SRPK1: variants seen among roughly 807,000 people sequenced by gnomAD.
The protein encoded by SRPK1 is SFRS protein kinase 1.
SRPK1 carries 52 observed loss-of-function variants against 89.5 expected under a neutral mutation model. The observed-to-expected ratio is 0.58, with a 90% CI of 0.46 to 0.73. The LOEUF is 0.73. Among genes scored for constraint, SRPK1 ranks in the 30% least tolerant of loss-of-function variants. The pLI is 0.00. For synonymous variants in SRPK1, 255 were observed against 270.2 expected (o/e 0.94, Z 0.55); for missense variants, 603 against 780.6 (o/e 0.77, Z 2.71).
intron 6 of SRPK1, among the ~76,000 whole-genome samples, chr6:35,875,939 A>G (rs894444333): frequency 6.6e-6 from 1 of 152,174 alleles, no homozygotes; most frequent in African/African-American, 2.4e-5. Context: ...AATGCAATAT[A>G]CTAATATGCA....
chr6:35,834,766 A>G lies in SRPK1; in HGVS notation c.*538T>C, dbSNP rs1769139683. On this transcript the variant is annotated 3_prime_UTR_variant, in exon 16 of 16. Transcript: ENST00000373825. ...CATATAGCTATTTAAAAAAGACAGT[A>G]GCTTAAAAGTTGCAGGAAAAAATGT... 1 of 152,240 alleles carries G rather than the reference A, an allele frequency of 6.6e-6. No homozygotes were observed. 9.4% of individuals were successfully genotyped at this position (152,240 alleles called of 1,614,324 possible). A position where few individuals can be genotyped will look rare whatever the true frequency, so the allele number is the denominator to read the frequency against.
chr6:35,921,034 C>A lies in SRPK1; in HGVS notation c.13+10G>T. The A allele has an allele frequency of 6.5e-7, 1 of 1,545,122 alleles. No homozygotes were observed. Among genetic ancestry groups the A allele is most frequent in the East Asian group, 2.6e-5 (1 of 38,662 alleles). ...TTGCCCCTCGTGGCGGAGGCCGCTC[C>A]ACCGCTCACCTTTCCGCTCCATGGT... On this transcript the variant is annotated intron_variant, in intron 1 of 15. Coordinates refer to ENST00000373825, the MANE Select transcript of SRPK1 (RefSeq NM_003137.5).
At chr6:35,886,579 AT>A in intron 6 of SRPK1, 144 bp downstream of exon 6, 1 of 627,184 alleles carries the variant, frequency 1.6e-6, no homozygotes, top group Non-Finnish European at 2.8e-6. Context: ...CAAAATTCAG[AT>A]GTGTGTTCAG....
chr6:35,920,099 G>A (rs1266848656), intron 2 of SRPK1: 1 of 468,228 alleles, frequency 2.1e-6, no homozygotes, highest in Non-Finnish European at 4.3e-6. Context: ...AGACGTTGGG[G>A]AGCAGGTAAG....
rs1769131035 is a variant in SRPK1 at position 35,834,392 on chromosome 6, T to C, written c.*912A>G. 1 of 152,212 alleles carries C rather than the reference T, an allele frequency of 6.6e-6. No homozygotes were observed. The highest frequency in any genetic ancestry group is 2.1e-4 in the South Asian group (1 of 4,836). The allele number at this position is 152,212 out of a possible 1,614,324, so 9.4% of individuals were successfully genotyped here. ...ATCAGAATCTCAAGATCTATTTTTC[T>C]TAAATGGGAAAGCTCTGAAACCCAG... is the stretch of plus-strand genomic sequence containing the variant. On this transcript the variant is annotated 3_prime_UTR_variant, in exon 16 of 16. Transcript: ENST00000373825.
chr6:35,892,689 C>CAA (rs75021775), intron 2 of SRPK1, among the ~76,000 whole-genome samples: 1 of 134,874 alleles, frequency 7.4e-6, no homozygotes, highest in East Asian at 2.0e-4. Context: ...ACAACAACAA[C>CAA]GACAACAACA....
intron 13 of SRPK1, among the ~76,000 whole-genome samples, chr6:35,844,871 AAAAAAAC>A (rs1467839737): frequency 2.0e-5 from 3 of 152,108 alleles, no homozygotes; most frequent in Non-Finnish European, 4.4e-5. Flanking sequence ...ATTAAAGTTA[AAAAAAAC>A]AAAAAACAAA....
rs1483481778 is a variant in SRPK1, at chr6:35,835,214, A to G, written c.*90T>C. On this transcript the variant is annotated 3_prime_UTR_variant, in exon 16 of 16. Coordinates refer to ENST00000373825, the MANE Select transcript of SRPK1 (RefSeq NM_003137.5). Reference sequence around the variant, plus strand: ...AAGATCTAGAAACTCTTGAAGGAAGAGCTTCACCCTGAAAAGGGAAGAGGA... The same window carrying G: ...AAGATCTAGAAACTCTTGAAGGAAGGGCTTCACCCTGAAAAGGGAAGAGGA... 4.4e-6 allele frequency: 5 copies of G among 1,135,632 alleles called. No homozygotes were observed. The highest frequency in any genetic ancestry group is 6.1e-6 in the Non-Finnish European group (5 of 817,438). The allele number at this position is 1,135,632 out of a possible 1,614,324, so 70.3% of individuals were successfully genotyped here.
Position 35,833,696 on chromosome 6 carries a change from G to A in SRPK1, c.*1608C>T, listed in dbSNP as rs1353108009. On this transcript the variant is annotated 3_prime_UTR_variant, in exon 16 of 16. Coordinates refer to ENST00000373825, the MANE Select transcript of SRPK1 (RefSeq NM_003137.5). ...AGAGTAATATGTTTATGAGTTAAAT[G>A]GATTGCATAACGGCACCACTTTTCC... The A allele has an allele frequency of 6.6e-6, 1 of 152,612 alleles. No homozygotes were observed. The highest frequency in any genetic ancestry group is 1.5e-5 in the Non-Finnish European group (1 of 68,044). The allele number at this position is 152,612 out of a possible 1,614,324, so 9.5% of individuals were successfully genotyped here.
At chr6:35,845,809 A>G (rs1255951940) in intron 13 of SRPK1, among the ~76,000 whole-genome samples, 1 of 152,242 alleles carries the variant, frequency 6.6e-6, no homozygotes, top group Non-Finnish European at 1.5e-5. Flanking sequence ...GACAAGTCAG[A>G]GTCCTGATGC....
intron 2 of SRPK1, among the ~76,000 whole-genome samples, chr6:35,910,576 A>C (rs1770939195): frequency 6.6e-6 from 1 of 152,226 alleles, no homozygotes; most frequent in African/African-American, 2.4e-5. Context: ...GAAGGTGGCT[A>C]TACTAAACAG....
chr6:35,843,203 C>T (rs1166830723), intron 13 of SRPK1, among the ~76,000 whole-genome samples: 2 of 151,910 alleles, frequency 1.3e-5, no homozygotes, highest in East Asian at 1.9e-4. Flanking sequence ...CTCCTGACCT[C>T]GTGATCTGCC....
intron 2 of SRPK1, among the ~76,000 whole-genome samples, chr6:35,906,919 T>C (rs903323709): frequency 3.9e-5 from 6 of 152,236 alleles, no homozygotes; most frequent in East Asian, 1.9e-4. Context: ...TTTTGGAGCA[T>C]GCTAGGGATC....
chr6:35,882,717 G>C (rs1165752384), intron 6 of SRPK1, among the ~76,000 whole-genome samples: 7 of 152,120 alleles, frequency 4.6e-5, no homozygotes, highest in African/African-American at 1.4e-4. Context: ...GCTATAAGTT[G>C]ATAACTCCTG....
rs370332549 is a variant in SRPK1, at chr6:35,835,470, G to A, written c.1802C>T (p.Thr601Met). The A allele has an allele frequency of 1.2e-5, 20 of 1,612,694 alleles. No homozygotes were observed. The highest frequency in any genetic ancestry group is 1.6e-5 in the Non-Finnish European group (19 of 1,179,472). Reference protein sequence around the residue: ...FTKKGDLKHITKLKPWGLFEV... With the variant: ...FTKKGDLKHIMKLKPWGLFEV... The stretch of plus-strand genomic sequence containing the variant: ...AAAAAGGCCCCAAGGTTTCAGCTTC[G>A]TGATATGTTTCAGGTCACCTGCAGT... Residue 601 changes from threonine (T) to methionine (M), a missense_variant, in exon 16 of 16, where the codon ACG becomes ATG. Coordinates refer to ENST00000373825, the MANE Select transcript of SRPK1 (RefSeq NM_003137.5).
chr6:35,853,504 C>T (rs1769601099), intron 13 of SRPK1, among the ~76,000 whole-genome samples: 1 of 152,058 alleles, frequency 6.6e-6, no homozygotes, highest in African/African-American at 2.4e-5. Flanking sequence ...CCCCTGAGGA[C>T]ATTAAGGGAT....
At chr6:35,895,417 A>G (rs1770608582) in intron 2 of SRPK1, among the ~76,000 whole-genome samples, 1 of 144,476 alleles carries the variant, frequency 6.9e-6, no homozygotes. Context: ...AACCAAAAAC[A>G]AAGGTTGAGG....
In SRPK1 at chr6:35,915,995, T is replaced by TATATACAC. The variant is rs1771089189; in HGVS notation, c.74+4472_74+4473insGTGTATAT. On this transcript the variant is annotated intron_variant, in intron 2 of 15. Transcript: ENST00000373825. ...TCAAAAACAAAAAAAAAAAAAAATA[T>TATATACAC]ATACACACACACACACACACACACA... Among the ~76,000 whole-genome samples, 2 of 54,660 alleles carry TATATACAC rather than the reference T, an allele frequency of 3.7e-5. 1 individual carries two copies. Among genetic ancestry groups the TATATACAC allele is most frequent in the Non-Finnish European group, 6.5e-5 (2 of 30,660 alleles). The allele number at this position is 54,660 out of a possible 152,430, so 35.9% of individuals were successfully genotyped here.
chr6:35,877,795 ACTGCACCACTGCACTCCACTGCACTC>A (rs1770186583), intron 6 of SRPK1, among the ~76,000 whole-genome samples: 1 of 151,708 alleles, frequency 6.6e-6, no homozygotes, highest in Non-Finnish European at 1.5e-5. Flanking sequence ...GTGAGCAACC[ACTGCACCACTGCACTCCACTGCACTC>A]CTGCACCACT....
Sources: allele counts gnomAD v4.1 joint callset (sites outside exome capture counted in the v4.1 genomes callset), GRCh38; gene constraint gnomAD v4.1.1; transcripts MANE v1.5; gene names NCBI Gene and HGNC (gene_info 2026-07-23, HGNC 2026-07-21).